Variants in KLRG1 observed in about 807,000 individuals in gnomAD.
KLRG1 encodes the protein killer cell lectin-like receptor subfamily G member 1.
In KLRG1, 16 loss-of-function variants were observed where a neutral mutation model predicts 21.8. The observed-to-expected ratio is 0.73, with a 90% confidence interval of 0.50 to 1.11. The LOEUF is 1.11. KLRG1 is among the 50% of genes most tolerant of loss of function. The pLI is 0.00. For synonymous variants in KLRG1, 69 were observed against 75.9 expected (o/e 0.91, Z 0.47); for missense variants, 173 against 218.3 (o/e 0.79, Z 1.31).
At chr12:9,202,390 G>C in the KLRG1 span, 1 of 1,614,032 alleles carries the variant, frequency 6.2e-7, no homozygotes, top group Non-Finnish European at 8.5e-7. Context: ...GTAGTTCTCC[G>C]ATAAGATTCA....
chr12:8,950,969 G>A (rs1048665721), intron 1 of KLRG1, among the ~76,000 whole-genome samples: 1 of 151,460 alleles, frequency 6.6e-6, no homozygotes, highest in Non-Finnish European at 1.5e-5. Flanking sequence ...GCATTTCTTT[G>A]TTTATTAGTA....
the KLRG1 span, among the ~76,000 whole-genome samples, chr12:9,073,917 G>A: frequency 1.3e-5 from 2 of 151,882 alleles, no homozygotes; most frequent in Non-Finnish European, 2.9e-5. Context: ...GCAAAACCTC[G>A]TCTCTACTAA....
the KLRG1 span, chr12:9,181,985 A>G: frequency 1.2e-6 from 2 of 1,613,700 alleles, no homozygotes; most frequent in Non-Finnish European, 1.7e-6. Context: ...CTTGTTGGCT[A>G]GACAGTTTTC....
the KLRG1 span, among the ~76,000 whole-genome samples, chr12:9,074,402 A>G: frequency 1.4e-4 from 22 of 152,012 alleles, no homozygotes; most frequent in Non-Finnish European, 2.6e-4. Context: ...TTTGACTTTG[A>G]TTTGCTTTTA....
the KLRG1 span, among the ~76,000 whole-genome samples, chr12:9,033,941 T>C: frequency 6.6e-6 from 1 of 152,098 alleles, no homozygotes; most frequent in Non-Finnish European, 1.5e-5. Flanking sequence ...AGAGCTAAGG[T>C]AAAGTCACAG....
At chr12:9,106,591 GC>G in the KLRG1 span, 1 of 1,572,958 alleles carries the variant, frequency 6.4e-7, no homozygotes, top group Admixed American at 1.8e-5. Flanking sequence ...GATAGAAGCA[GC>G]CATGGCTGTT....
At chr12:9,209,387 CATT>C in the KLRG1 span, among the ~76,000 whole-genome samples, 1 of 152,030 alleles carries the variant, frequency 6.6e-6, no homozygotes, top group Non-Finnish European at 1.5e-5. Context: ...TCTTTTGTCA[CATT>C]ATCATAGAAT....
the KLRG1 span, among the ~76,000 whole-genome samples, chr12:9,143,301 G>C: frequency 7.2e-4 from 110 of 152,308 alleles, no homozygotes; most frequent in African/African-American, 2.6e-3. Flanking sequence ...CCACTTCCCA[G>C]AGTAGGAGAA....
the KLRG1 span, among the ~76,000 whole-genome samples, chr12:9,049,188 T>A: frequency 6.6e-6 from 1 of 152,204 alleles, no homozygotes; most frequent in Non-Finnish European, 1.5e-5. Flanking sequence ...AAGGAAGGTC[T>A]GCATGGAGCA....
the KLRG1 span, chr12:9,196,613 T>C: frequency 6.2e-7 from 1 of 1,613,768 alleles, no homozygotes; most frequent in Non-Finnish European, 8.5e-7. Context: ...CTAAGCTTCA[T>C]TTCAAAGCCC....
the KLRG1 span, chr12:9,166,191 C>T: frequency 3.7e-6 from 6 of 1,609,980 alleles, no homozygotes; most frequent in Middle Eastern, 1.7e-4. Flanking sequence ...CTCTCTACTA[C>T]TCCTAGACCT....
chr12:8,963,940 G>A (rs1311149760), intron 1 of KLRG1, among the ~76,000 whole-genome samples: 1 of 151,846 alleles, frequency 6.6e-6, no homozygotes, highest in African/African-American at 2.4e-5. Context: ...TTCTTTATTA[G>A]TCTTGCTAGT....
chr12:9,044,018 G>A, the KLRG1 span, among the ~76,000 whole-genome samples: 1 of 152,190 alleles, frequency 6.6e-6, no homozygotes, highest in Admixed American at 6.5e-5. Flanking sequence ...CTCTTGGCAA[G>A]ACCATGAGAA....
the KLRG1 span, among the ~76,000 whole-genome samples, chr12:9,018,125 G>T: frequency 6.6e-6 from 1 of 152,112 alleles, no homozygotes; most frequent in Non-Finnish European, 1.5e-5. Context: ...AAAAACAGTA[G>T]AAGGATATTC....
At chr12:9,186,746 C>G in the KLRG1 span, among the ~76,000 whole-genome samples, 2 of 149,094 alleles carry the variant, frequency 1.3e-5, no homozygotes, top group Non-Finnish European at 2.9e-5. Context: ...CAAACTAACA[C>G]AAGAACAGAA....
At chr12:9,182,055 A>G in the KLRG1 span, 1 of 1,613,976 alleles carries the variant, frequency 6.2e-7, no homozygotes, top group Non-Finnish European at 8.5e-7. Flanking sequence ...GCAAAGATGA[A>G]CATTCGTGCA....
At chr12:9,074,470 AT>A in the KLRG1 span, 52 of 1,266,098 alleles carry the variant, frequency 4.1e-5, no homozygotes, top group Non-Finnish European at 4.9e-5. Flanking sequence ...TGTCATCTGT[AT>A]TTTTTTCTTC....
intron 1 of KLRG1, among the ~76,000 whole-genome samples, chr12:8,957,045 C>T (rs1946306940): frequency 6.6e-6 from 1 of 151,992 alleles, no homozygotes; most frequent in Admixed American, 6.6e-5. Flanking sequence ...TTGAGCAGGG[C>T]CCCCCCGGCC....
intron 1 of KLRG1, among the ~76,000 whole-genome samples, chr12:8,954,116 T>A (rs192715752): frequency 3.9e-5 from 6 of 152,300 alleles, no homozygotes; most frequent in Non-Finnish European, 7.4e-5. Flanking sequence ...GATGTTCCGA[T>A]TTTATCTTGT....
Sources: gnomAD v4.1 joint callset for allele counts (sites outside exome capture counted in the v4.1 genomes callset) on GRCh38, gnomAD v4.1.1 for gene constraint, MANE v1.5 for transcripts, NCBI Gene and HGNC (gene_info 2026-07-23, HGNC 2026-07-21) for gene names.